EBF2: variants seen among roughly 807,000 people sequenced by gnomAD.
EBF2 encodes transcription factor COE2.
A neutral mutation model predicts 72.8 loss-of-function variants in EBF2; 21 were observed. The ratio of observed to expected loss-of-function variants is 0.29; its 90% CI spans 0.20 to 0.42. The LOEUF (loss-of-function observed/expected upper bound fraction) is 0.42, where lower values mean the gene tolerates loss of function less well. EBF2 is among the 10% of genes least tolerant of loss of function. The pLI is 1.00. For synonymous variants in EBF2, 299 were observed against 274.2 expected (o/e 1.09, Z -0.89); for missense variants, 637 against 731.2 (o/e 0.87, Z 1.49).
At chr8:25,856,146 T>A (rs1035041852) in intron 14 of EBF2, among the ~76,000 whole-genome samples, 17 of 152,202 alleles carry the variant, frequency 1.1e-4, no homozygotes, top group African/African-American at 3.1e-4. Flanking sequence ...TTTTCATTCA[T>A]CTTTTTTTCC....
In EBF2 at chr8:25,943,245, T is replaced by C. The variant is rs569323991; in HGVS notation, c.552-34690A>G. On this transcript the variant is annotated intron_variant, in intron 6 of 15. Coordinates refer to ENST00000520164, the MANE Select transcript of EBF2 (RefSeq NM_022659.4). ...GTTTTGGGAGGCCAAGGTGGAAGGA[T>C]TGCTTGAGGCCAAGAGTTGGAGACC... 2.0e-5 allele frequency among the ~76,000 whole-genome samples: 3 copies of C among 148,636 alleles called. No homozygotes were observed. The East Asian group carries it at 5.9e-4, about 29-fold the overall frequency.
At chr8:25,851,039 G>GT (rs1801958334) in intron 14 of EBF2, among the ~76,000 whole-genome samples, 1 of 152,034 alleles carries the variant, frequency 6.6e-6, no homozygotes, top group Non-Finnish European at 1.5e-5. Context: ...GAGTCAGGAA[G>GT]GCAGCTTCAG....
At chr8:26,021,824 G>C (rs1805207154) in intron 6 of EBF2, among the ~76,000 whole-genome samples, 1 of 152,204 alleles carries the variant, frequency 6.6e-6, no homozygotes, top group Admixed American at 6.5e-5. Context: ...ATGAATGACA[G>C]AGGAGTAAGC....
chr8:26,002,545 G>A (rs1329602619), intron 6 of EBF2, among the ~76,000 whole-genome samples: 1 of 145,376 alleles, frequency 6.9e-6, no homozygotes, highest in Non-Finnish European at 1.5e-5. Flanking sequence ...TTCCCTTTGT[G>A]TTCTATCTCC....
intron 6 of EBF2, among the ~76,000 whole-genome samples, chr8:25,929,815 G>C (rs1276329384): frequency 6.6e-6 from 1 of 152,066 alleles, no homozygotes; most frequent in African/African-American, 2.4e-5. Flanking sequence ...ACAGATCCGG[G>C]TATCAGTGGG....
chr8:25,909,522 C>T (rs537876615), intron 6 of EBF2, among the ~76,000 whole-genome samples: 21 of 152,114 alleles, frequency 1.4e-4, no homozygotes, highest in African/African-American at 4.8e-4. Context: ...CCCTTCAGAA[C>T]TCTCACATCC....
chr8:25,983,917 A>G (rs1265290733), intron 6 of EBF2, among the ~76,000 whole-genome samples: 1 of 152,250 alleles, frequency 6.6e-6, no homozygotes, highest in Middle Eastern at 3.2e-3. Context: ...ATACCCCAAA[A>G]TAACTGTTCA....
At chr8:25,888,091 C>T (rs1223763136) in intron 8 of EBF2, 119 bp from the exon 9 acceptor site, 6 of 1,101,216 alleles carry the variant, frequency 5.4e-6, no homozygotes, top group African/African-American at 1.6e-5. Flanking sequence ...TACACTAATG[C>T]TAACGATAAC....
At chr8:25,939,006 A>G (rs757797448) in intron 6 of EBF2, among the ~76,000 whole-genome samples, 57 of 152,258 alleles carry the variant, frequency 3.7e-4, no homozygotes, top group Non-Finnish European at 4.3e-4. Context: ...CAGTTAGGAA[A>G]TGGGACAGTC....
At chr8:25,910,555 A>AT (rs1238776996) in intron 6 of EBF2, among the ~76,000 whole-genome samples, 1 of 152,202 alleles carries the variant, frequency 6.6e-6, no homozygotes, top group Non-Finnish European at 1.5e-5. Flanking sequence ...TCATGAAGGC[A>AT]TTATTATATG....
At position 25,892,711 on chromosome 8, in the gene EBF2, T is replaced by A. The variant is rs535419474; in HGVS notation, c.634-2842A>T. ...ACATCTTGAACATGGTGGTAACATA[T>A]GCAAAATTTTACATGAATAAGTGTC... On this transcript the variant is annotated intron_variant, in intron 7 of 15. Transcript: ENST00000520164. Among the ~76,000 whole-genome samples the A allele has an allele frequency of 1.8e-4, 27 of 152,310 alleles. 1 individual carries two copies. The South Asian group carries it at 5.4e-3, about 30-fold the overall frequency.
At chr8:25,939,578 C>T (rs1803635289) in intron 6 of EBF2, among the ~76,000 whole-genome samples, 1 of 152,190 alleles carries the variant, frequency 6.6e-6, no homozygotes, top group Admixed American at 6.5e-5. Flanking sequence ...TAAAATGGAA[C>T]AGGGGCTTCT....
intron 7 of EBF2, among the ~76,000 whole-genome samples, chr8:25,902,541 CTATT>C (rs1201553267): frequency 4.6e-5 from 7 of 151,864 alleles, no homozygotes; most frequent in East Asian, 1.9e-4. Flanking sequence ...AATAATTAAT[CTATT>C]TATTTAATAA....
chr8:25,871,390 A>G (rs1300853936), intron 10 of EBF2, among the ~76,000 whole-genome samples: 1 of 152,228 alleles, frequency 6.6e-6, no homozygotes, highest in Non-Finnish European at 1.5e-5. Flanking sequence ...ACAGGGATAC[A>G]GAGAAGTGCT....
At chr8:25,891,490 G>T (rs1413572250) in intron 7 of EBF2, among the ~76,000 whole-genome samples, 1 of 151,964 alleles carries the variant, frequency 6.6e-6, no homozygotes, top group African/African-American at 2.4e-5. Flanking sequence ...GACTCTTCCT[G>T]TCTACTCCCA....
intron 15 of EBF2, among the ~76,000 whole-genome samples, chr8:25,848,223 A>G (rs540874615): frequency 6.6e-6 from 1 of 152,254 alleles, no homozygotes; most frequent in Admixed American, 6.5e-5. Flanking sequence ...AAGGATTCAA[A>G]TGAGGTTTGG....
At chr8:25,981,675 A>C (rs969704775) in intron 6 of EBF2, among the ~76,000 whole-genome samples, 2 of 152,032 alleles carry the variant, frequency 1.3e-5, no homozygotes, top group African/African-American at 4.8e-5. Flanking sequence ...AGGCACCTGT[A>C]ATCCCAGCTA....
At chr8:25,998,711 T>C (rs1481453957) in intron 6 of EBF2, among the ~76,000 whole-genome samples, 1 of 152,206 alleles carries the variant, frequency 6.6e-6, no homozygotes, top group Non-Finnish European at 1.5e-5. Flanking sequence ...TAAACTCAGA[T>C]AATGATGTTT....
At chr8:26,033,210 A>T in intron 5 of EBF2, 57 bp from the exon 6 acceptor site, 2 of 1,526,220 alleles carry the variant, frequency 1.3e-6, no homozygotes, top group Non-Finnish European at 1.8e-6. Flanking sequence ...AGAAAATGCA[A>T]TGAGCACATG....
Sources: allele counts gnomAD v4.1 joint callset (sites outside exome capture counted in the v4.1 genomes callset), GRCh38; gene constraint gnomAD v4.1.1; transcripts MANE v1.5; gene names NCBI Gene and HGNC (gene_info 2026-07-23, HGNC 2026-07-21).